The following PRELID2 variants were observed in gnomAD, a reference collection of about 807,000 sequenced individuals.
The protein encoded by PRELID2 is PRELI domain containing 2.
A neutral mutation model predicts 28.4 loss-of-function variants in PRELID2; 25 were observed. The ratio of observed to expected loss-of-function variants is 0.88; its 90% confidence interval spans 0.64 to 1.23. PRELID2 has a LOEUF of 1.23. Among genes scored for constraint, PRELID2 ranks in the 50% most tolerant of loss-of-function variants. The pLI is 0.00. For missense variants in PRELID2, 201 were observed against 214.4 expected (o/e 0.94, Z 0.39); for synonymous variants, 76 against 71.6 (o/e 1.06, Z -0.31).
chr5:145,735,931 G>C (rs1756484030), intron 1 of PRELID2, among the ~76,000 whole-genome samples: 1 of 152,196 alleles, frequency 6.6e-6, no homozygotes, highest in African/African-American at 2.4e-5. Flanking sequence ...CGCTCTCTCT[G>C]AAGTGAGTAG....
chr5:145,757,357 T>A lies in PRELID2; in HGVS notation c.*3179A>T, dbSNP rs1374956367. Among the ~76,000 whole-genome samples, 2 of 152,180 alleles carry A rather than the reference T, an allele frequency of 1.3e-5. No homozygotes were observed. The highest frequency in any genetic ancestry group is 2.9e-5 in the Non-Finnish European group (2 of 68,042). On this transcript the variant is annotated 3_prime_UTR_variant, in exon 7 of 7. Transcript: ENST00000683046. ...GAACTTTATACTGTGTCCTGAATGA[T>A]CAACTGAAATTCCACGAATCAGAAT...
At chr5:145,319,725 AAAT>A in the PRELID2 span, among the ~76,000 whole-genome samples, 3 of 149,068 alleles carry the variant, frequency 2.0e-5, no homozygotes, top group Non-Finnish European at 4.4e-5. Context: ...ATAAATAAAT[AAAT>A]AATTTTTAAA....
the PRELID2 span, among the ~76,000 whole-genome samples, chr5:145,409,494 G>A: frequency 6.6e-6 from 1 of 152,032 alleles, no homozygotes; most frequent in Admixed American, 6.6e-5. Context: ...AACACATAAG[G>A]CCTCACATAA....
the PRELID2 span, among the ~76,000 whole-genome samples, chr5:145,287,272 A>C: frequency 6.6e-6 from 1 of 152,118 alleles, no homozygotes; most frequent in Non-Finnish European, 1.5e-5. Flanking sequence ...GCACAGTAAG[A>C]GATTACAATA....
chr5:145,320,506 T>G, the PRELID2 span, among the ~76,000 whole-genome samples: 3 of 152,232 alleles, frequency 2.0e-5, no homozygotes, highest in South Asian at 6.2e-4. Flanking sequence ...TCAACAGCTT[T>G]TGAAGCTAAG....
At chr5:145,261,817 G>A in the PRELID2 span, among the ~76,000 whole-genome samples, 3 of 152,078 alleles carry the variant, frequency 2.0e-5, no homozygotes, top group African/African-American at 7.2e-5. Context: ...TAGCTCACCA[G>A]CAATGGATCC....
the PRELID2 span, among the ~76,000 whole-genome samples, chr5:145,351,061 C>A: frequency 6.6e-6 from 1 of 152,042 alleles, no homozygotes; most frequent in Non-Finnish European, 1.5e-5. Flanking sequence ...GTGCAATATA[C>A]CACAACTTAC....
chr5:145,577,400 G>A (rs1172546805), intron 1 of PRELID2, among the ~76,000 whole-genome samples: 1 of 151,980 alleles, frequency 6.6e-6, no homozygotes, highest in Non-Finnish European at 1.5e-5. Context: ...AAATTTAACA[G>A]AGAGATTAAA....
the PRELID2 span, chr5:145,229,519 G>A: frequency 2.1e-6 from 3 of 1,410,858 alleles, no homozygotes; most frequent in Non-Finnish European, 9.9e-7. Flanking sequence ...TCCCCGTGAG[G>A]GTGACCAGCG....
intron 4 of PRELID2, among the ~76,000 whole-genome samples, chr5:145,800,926 C>T (rs1006970163): frequency 6.6e-6 from 1 of 151,946 alleles, no homozygotes; most frequent in Admixed American, 6.6e-5. Flanking sequence ...GTTTACACAA[C>T]ACATGGTTTA....
downstream of PRELID2, among the ~76,000 whole-genome samples, chr5:145,753,499 G>A (rs1757179947): frequency 6.6e-6 from 1 of 152,190 alleles, no homozygotes; most frequent in Non-Finnish European, 1.5e-5. Flanking sequence ...ACAGTGAATT[G>A]TATTTTTCTG....
intron 1 of PRELID2, among the ~76,000 whole-genome samples, chr5:145,490,043 C>T (rs1356733983): frequency 1.3e-5 from 2 of 151,942 alleles, no homozygotes; most frequent in Non-Finnish European, 2.9e-5. Context: ...GCTATCTTAC[C>T]CCAATTTCTT....
chr5:145,548,568 T>G (rs770175630), intron 1 of PRELID2, among the ~76,000 whole-genome samples: 12 of 152,198 alleles, frequency 7.9e-5, no homozygotes, highest in Non-Finnish European at 1.5e-4. Context: ...TTAAAGAGAA[T>G]TTGCCAGTGC....
In PRELID2 at chr5:145,817,734, C is replaced by CA. The variant is rs1320715044; in HGVS notation, c.368+159dup. ...CTCTATCATTTCCTGACCTCCCTTG[C>CA]AAAAAATTCATTAATTACTGTGATT... On this transcript the variant is annotated intron_variant, in intron 4 of 6. Transcript: ENST00000683046. Among the ~76,000 whole-genome samples the CA allele has an allele frequency of 2.0e-5, 3 of 151,846 alleles. No homozygotes were observed. The East Asian group carries it at 5.8e-4, about 29-fold the overall frequency.
At chr5:145,239,386 T>A in the PRELID2 span, among the ~76,000 whole-genome samples, 3 of 152,094 alleles carry the variant, frequency 2.0e-5, no homozygotes, top group South Asian at 6.2e-4. Flanking sequence ...CTCAAGGATA[T>A]TGTCTCCTGG....
intron 4 of PRELID2, among the ~76,000 whole-genome samples, chr5:145,810,634 T>C (rs187812566): frequency 6.6e-6 from 1 of 152,214 alleles, no homozygotes; most frequent in African/African-American, 2.4e-5. Context: ...AAATACATTC[T>C]GAGAATTAGA....
intron 1 of PRELID2, among the ~76,000 whole-genome samples, chr5:145,587,932 T>G (rs1753176301): frequency 6.6e-6 from 1 of 152,186 alleles, no homozygotes; most frequent in South Asian, 2.1e-4. Context: ...AAAATTTCAT[T>G]TCTGCCATTC....
intron 1 of PRELID2, among the ~76,000 whole-genome samples, chr5:145,523,656 C>T (rs1323732718): frequency 2.0e-5 from 3 of 152,014 alleles, no homozygotes; most frequent in South Asian, 2.1e-4. Flanking sequence ...TATCAGGGTC[C>T]GCTGCTATGG....
intron 1 of PRELID2, among the ~76,000 whole-genome samples, chr5:145,671,413 A>G (rs1409326176): frequency 1.3e-5 from 2 of 152,096 alleles, no homozygotes; most frequent in Non-Finnish European, 2.9e-5. Context: ...TGAATTAAAA[A>G]ATTTTCTGTA....
Sources: allele counts gnomAD v4.1 joint callset (sites outside exome capture counted in the v4.1 genomes callset), GRCh38; gene constraint gnomAD v4.1.1; transcripts MANE v1.5; gene names NCBI Gene and HGNC (gene_info 2026-07-23, HGNC 2026-07-21).